The following HAUS7 variants were observed in gnomAD, a reference collection of about 807,000 sequenced individuals.
The protein encoded by HAUS7 is HAUS augmin-like complex subunit 7.
A neutral mutation model predicts 28.4 loss-of-function variants in HAUS7; 3 were observed. That is an observed-to-expected ratio of 0.11 (90% CI 0.05 to 0.27). The LOEUF is 0.27. Ranked by LOEUF, HAUS7 falls within the 10% of genes least tolerant of loss-of-function variation. The pLI is 1.00. For missense variants in HAUS7, 284 were observed against 297.3 expected (o/e 0.96, Z 0.33); for synonymous variants, 165 against 132.1 (o/e 1.25, Z -1.71).
At chrX:153,479,550 T>C (rs781864373) in intron 1 of HAUS7, among the ~76,000 whole-genome samples, 1 of 112,025 alleles carries the variant, frequency 8.9e-6, no homozygotes, top group Non-Finnish European at 1.9e-5. Flanking sequence ...GGAAGAGGCC[T>C]TCCTAGGAGC....
chrX:153,481,247 C>T (rs2089597964), intron 1 of HAUS7: 1 of 593,937 alleles, frequency 1.7e-6, no homozygotes. Context: ...ACCTGTCGCT[C>T]CAACCCAGGC....
intron 4 of HAUS7, 38 bp from the exon 5 acceptor site, chrX:153,457,266 C>T: frequency 2.1e-6 from 2 of 949,191 alleles, no homozygotes; most frequent in Middle Eastern, 2.6e-4. Context: ...CTGGCTCCAT[C>T]TAAGCCAGGC....
intron 4 of HAUS7, chrX:153,461,787 G>A (rs782138450): frequency 2.1e-4 from 55 of 267,507 alleles, no homozygotes; most frequent in Non-Finnish European, 3.3e-5. Context: ...CGCTGCTGCT[G>A]GAAAAGGAAG....
chrX:153,455,481 G>A (rs1196603761), intron 8 of HAUS7, 61 bp downstream of exon 8: 3 of 769,242 alleles, frequency 3.9e-6, no homozygotes, highest in South Asian at 4.4e-5. Context: ...CAGGATATAA[G>A]CTCTCAGTCT....
At chrX:153,484,164 T>G (rs782171047) in intron 1 of HAUS7, among the ~76,000 whole-genome samples, 13 of 111,907 alleles carry the variant, frequency 1.2e-4, no homozygotes, top group Non-Finnish European at 7.5e-5. Flanking sequence ...CCGTCTCCCC[T>G]GCGTGTCTCC....
intron 2 of HAUS7, among the ~76,000 whole-genome samples, chrX:153,465,312 CA>C (rs72146941): frequency 0.01 from 580 of 57,111 alleles, 3 homozygotes; most frequent in African/African-American, 0.028. Flanking sequence ...TTCTCAAGAC[CA>C]AAAAAAAAAA....
rs371637396 is a variant in HAUS7 at position 153,454,511 on chromosome X, GGGGAGGGAGGGAGGGAGGGAGGGA to G, written c.931-27_931-4del. 7 of 575,307 alleles carry G rather than the reference GGGGAGGGAGGGAGGGAGGGAGGGA, an allele frequency of 1.2e-5. 1 individual carries two copies. The highest frequency in any genetic ancestry group is 5.6e-5 in the African/African-American group (2 of 35,724). The allele number at this position is 575,307 out of a possible 1,213,427, so 47.4% of individuals were successfully genotyped here. On this transcript the variant is annotated splice_region_variant and splice_polypyrimidine_tract_variant and intron_variant, in intron 8 of 9. Transcript: ENST00000370211. The stretch of plus-strand genomic sequence containing the variant: ...ACTGCCATGACCACTTGCAGCAGCT[GGGGAGGGAGGGAGGGAGGGAGGGA>G]GGGAGGGAGGGAGCGAGCAGGCACT...
chrX:153,453,544 G>A (rs182616996), intron 9 of HAUS7, among the ~76,000 whole-genome samples: 1 of 109,573 alleles, frequency 9.1e-6, no homozygotes, highest in Non-Finnish European at 1.9e-5. Context: ...CCCCTGAAAC[G>A]TGGTATTAGT....
chrX:153,460,999 T>C (rs192207874), intron 4 of HAUS7, among the ~76,000 whole-genome samples: 1 of 112,245 alleles, frequency 8.9e-6, no homozygotes, highest in East Asian at 2.8e-4. Flanking sequence ...CTGATCTTGG[T>C]GAGCCCAGCA....
intron 1 of HAUS7, chrX:153,482,870 C>CA (rs2089610143): frequency 2.4e-6 from 1 of 411,647 alleles, no homozygotes; most frequent in African/African-American, 2.7e-5. Context: ...GTCCTCCCTG[C>CA]AGTTGAGCTG....
At chrX:153,473,042 G>A (rs2089539497), upstream of HAUS7, among the ~76,000 whole-genome samples, 2 of 112,126 alleles carry the variant, frequency 1.8e-5, no homozygotes, top group Non-Finnish European at 3.8e-5. Flanking sequence ...ATGGGCTGGC[G>A]GGTGCTGGTG....
intron 1 of HAUS7, among the ~76,000 whole-genome samples, chrX:153,488,287 C>T (rs369447797): frequency 6.9e-4 from 78 of 113,324 alleles, no homozygotes; most frequent in Middle Eastern, 4.6e-3. Flanking sequence ...TCTACCCTGG[C>T]GGGGCCGCCC....
Position 153,482,271 on chromosome X carries a change from G to A in HAUS7, c.-588-11126C>T, listed in dbSNP as rs1025570892. ...CCCAAAGCCATGCCCAGGAAGGCCTGTGCCCCGACCAGCAGGCCCCCAACC... is the reference window on the plus strand; with the variant it reads ...CCCAAAGCCATGCCCAGGAAGGCCTATGCCCCGACCAGCAGGCCCCCAACC... On this transcript the variant is annotated intron_variant, in intron 1 of 5. Coordinates refer to the HAUS7 transcript ENST00000370210. The A allele has an allele frequency of 4.0e-6, 3 of 751,674 alleles. No individual in the cohort carries two copies. In the African/African-American group the frequency reaches 6.9e-5, roughly 17 times the overall value. The allele number at this position is 751,674 out of a possible 1,213,427, so 61.9% of individuals were successfully genotyped here.
At chrX:153,486,055 C>A in intron 1 of HAUS7, 1 of 965,289 alleles carries the variant, frequency 1.0e-6, no homozygotes, top group Non-Finnish European at 1.3e-6. Flanking sequence ...TCCTGGGCCT[C>A]AAGGGACTGC....
chrX:153,481,554 C>T (rs2089600113), intron 1 of HAUS7: 1 of 756,479 alleles, frequency 1.3e-6, no homozygotes, highest in African/African-American at 2.3e-5. Context: ...CGGCCTCGTG[C>T]CTCCTGGCCC....
At chrX:153,452,357 G>A (rs782546737) in intron 9 of HAUS7, among the ~76,000 whole-genome samples, 4 of 111,933 alleles carry the variant, frequency 3.6e-5, no homozygotes, top group African/African-American at 1.3e-4. Context: ...TAACAACATC[G>A]ATAAATATAA....
intron 3 of HAUS7, among the ~76,000 whole-genome samples, chrX:153,464,334 C>T (rs1254832818): frequency 8.9e-6 from 1 of 112,695 alleles, no homozygotes; most frequent in African/African-American, 3.2e-5. Flanking sequence ...GCCAGCCCAC[C>T]GGCTGCTCTA....
intron 1 of HAUS7, chrX:153,482,194 GGGAACTA>G: frequency 2.1e-6 from 1 of 486,331 alleles, no homozygotes; most frequent in Non-Finnish European, 2.5e-6. Context: ...TGGATTCAGT[GGGAACTA>G]GGAAGCCATG....
rs2089490598 is a variant in HAUS7 at position 153,469,243 on chromosome X, G to A, written c.127C>T (p.Leu43Phe). The stretch of plus-strand genomic sequence containing the variant: ...GGCTCTGTGATATACAGACCCTCGA[G>A]GAAGGGGCAGTTTAGGTCCTAAGCA... ...GKLKDLNCPFLEGLYITEPKT... is the reference protein window; with the variant it reads ...GKLKDLNCPFFEGLYITEPKT... The change falls in exon 2 of 10, where the codon CTC becomes TTC. Residue 43 changes from leucine to phenylalanine, a missense_variant. By Grantham distance (22) the Leu-to-Phe change is conservative. Coordinates refer to ENST00000370211, the MANE Select transcript of HAUS7 (RefSeq NM_001385482.1). The A allele has an allele frequency of 8.8e-7, 1 of 1,141,258 alleles. No homozygotes were observed. The highest frequency in any genetic ancestry group is 1.2e-6 in the Non-Finnish European group (1 of 831,509). 94.1% of individuals were successfully genotyped at this position (1,141,258 alleles called of 1,213,427 possible).
Sources: allele counts gnomAD v4.1 joint callset (sites outside exome capture counted in the v4.1 genomes callset), GRCh38; gene constraint gnomAD v4.1.1; transcripts MANE v1.5; gene names NCBI Gene and HGNC (gene_info 2026-07-23, HGNC 2026-07-21).